TRPM7: variants seen among roughly 807,000 people sequenced by gnomAD.
TRPM7 encodes the protein LTRPC ion channel family member 7.
TRPM7 carries 134 observed loss-of-function variants against 229.7 expected under a neutral mutation model. That is an observed-to-expected ratio of 0.58 (90% CI 0.51 to 0.67). The LOEUF is 0.67. TRPM7 is among the 30% of genes least tolerant of loss of function. The probability of loss-of-function intolerance (pLI) is 0.00; values close to 1 mark genes in which losing one functional copy is unlikely to be tolerated. For synonymous variants in TRPM7, 699 were observed against 715.2 expected (o/e 0.98, Z 0.36); for missense variants, 1,901 against 2,210.0 (o/e 0.86, Z 2.80).
chr15:50,604,765 A>G, intron 21 of TRPM7, 101 bp downstream of exon 21: 1 of 1,203,048 alleles, frequency 8.3e-7, no homozygotes, highest in Non-Finnish European at 1.1e-6. Context: ...CACAAAATAA[A>G]AGACATTCAC....
At chr15:50,631,140 G>A (rs1015108319) in intron 10 of TRPM7, among the ~76,000 whole-genome samples, 2 of 152,118 alleles carry the variant, frequency 1.3e-5, no homozygotes, top group African/African-American at 2.4e-5. Context: ...GATGTTAGAC[G>A]TTCTTAATAG....
intron 12 of TRPM7, among the ~76,000 whole-genome samples, chr15:50,620,987 G>A (rs1183955951): frequency 6.6e-6 from 1 of 151,522 alleles, no homozygotes; most frequent in Non-Finnish European, 1.5e-5. Context: ...GTGAAACCCC[G>A]TCTCTACTAA....
intron 1 of TRPM7, among the ~76,000 whole-genome samples, chr15:50,668,683 T>C (rs1254055697): frequency 6.6e-6 from 1 of 152,092 alleles, no homozygotes; most frequent in Non-Finnish European, 1.5e-5. Flanking sequence ...ACTTTTTGTA[T>C]CTTTAGTAGA....
At position 50,592,066 on chromosome 15, in the gene TRPM7, C is replaced by T. The variant is rs1307248283; in HGVS notation, c.4169G>A (p.Ser1390Asn). 1.2e-6 allele frequency: 2 copies of T among 1,612,946 alleles called. No individual in the cohort carries two copies. Among genetic ancestry groups the T allele is most frequent in the Non-Finnish European group, 1.7e-6 (2 of 1,179,736 alleles). ...KNQKLGSSST[S>N]IPHLSSPPTK... is the part of the protein sequence containing the mutation. Reference sequence around the variant, plus strand: ...TGGTGGGGATGACAGATGTGGTATGCTAGTAGATGAACTGCCTAATTTTTG... The same window carrying T: ...TGGTGGGGATGACAGATGTGGTATGTTAGTAGATGAACTGCCTAATTTTTG... The change falls in exon 26 of 39, where the codon AGC becomes AAC. Residue 1390 changes from serine (S) to asparagine (N), a missense_variant. By Grantham distance (46) the Ser-to-Asn change is conservative. This residue lies in a region of TRPM7 where 533 missense variants were observed against 497.1 expected (regional missense o/e 1.07). Transcript: ENST00000646667.
chr15:50,634,237 C>A, intron 8 of TRPM7, 145 bp downstream of exon 8: 1 of 515,992 alleles, frequency 1.9e-6, no homozygotes. Flanking sequence ...AGGAAAATCG[C>A]TTGAACCTGG....
At chr15:50,644,318 CT>C (rs1193918335) in intron 4 of TRPM7, among the ~76,000 whole-genome samples, 3 of 152,216 alleles carry the variant, frequency 2.0e-5, no homozygotes, top group Non-Finnish European at 4.4e-5. Context: ...ATAAGACTTA[CT>C]TGCTATACTC....
chr15:50,621,051 C>T (rs994099248), intron 12 of TRPM7, among the ~76,000 whole-genome samples: 2 of 143,702 alleles, frequency 1.4e-5, no homozygotes, highest in African/African-American at 2.6e-5. Context: ...CCCAGCTACT[C>T]GGGAGGCTGA....
At chr15:50,599,044 G>T in intron 22 of TRPM7, 78 bp downstream of exon 22, 1 of 1,078,958 alleles carries the variant, frequency 9.3e-7, no homozygotes, top group Non-Finnish European at 1.3e-6. Context: ...CTGAAAATAT[G>T]CAATATTACT....
chr15:50,634,544 C>T lies in TRPM7; in HGVS notation c.845G>A (p.Gly282Asp). ...QQRIHARIGQGVPVVALIFEG... is the reference protein window; with the variant it reads ...QQRIHARIGQDVPVVALIFEG... ...AAATATAAGTGCCACCACAGGGACA[C>T]CCTGGCCAATCCCTAAAAAGAGCAA... Residue 282 changes from glycine (G) to aspartate (D), a missense_variant, in exon 8 of 39, where the codon GGT becomes GAT. Transcript: ENST00000646667. 1.4e-6 allele frequency: 2 copies of T among 1,458,750 alleles called. No homozygotes were observed. Among genetic ancestry groups the T allele is most frequent in the Non-Finnish European group, 9.0e-7 (1 of 1,106,160 alleles). The allele number at this position is 1,458,750 out of a possible 1,614,324, so 90.4% of individuals were successfully genotyped here.
At chr15:50,628,356 C>T (rs758650427) in intron 10 of TRPM7, 107 bp from the exon 11 acceptor site, 10 of 724,618 alleles carry the variant, frequency 1.4e-5, no homozygotes, top group Non-Finnish European at 2.3e-5. Flanking sequence ...GTTGCTCAGG[C>T]TAAAGTGCAA....
chr15:50,585,687 C>T (rs2059323517), intron 28 of TRPM7, among the ~76,000 whole-genome samples: 1 of 152,134 alleles, frequency 6.6e-6, no homozygotes, highest in South Asian at 2.1e-4. Context: ...TTGCTGAATT[C>T]AGTATGCCAA....
chr15:50,633,836 G>A (rs76869595), intron 8 of TRPM7, among the ~76,000 whole-genome samples: 5,173 of 152,166 alleles, frequency 0.034, 296 homozygotes, highest in African/African-American at 0.12. Context: ...GTGCCTCTAC[G>A]TTTGACACAT....
intron 13 of TRPM7, among the ~76,000 whole-genome samples, chr15:50,617,854 C>T (rs1017265207): frequency 5.3e-5 from 8 of 151,890 alleles, no homozygotes; most frequent in African/African-American, 9.7e-5. Context: ...GAAAAGGTCT[C>T]GCTTTGTTTG....
chr15:50,593,231 G>A (rs1158933029), intron 25 of TRPM7, among the ~76,000 whole-genome samples: 2 of 152,160 alleles, frequency 1.3e-5, no homozygotes, highest in African/African-American at 4.8e-5. Context: ...GGAAGTTGCA[G>A]TGAGTGGAGA....
rs139723375 is a variant in TRPM7, at chr15:50,593,568, T to C, written c.3608+49A>G. ...GACCATGTATAAGAAATATAACGAA[T>C]AGATCCCATTTTGACATATAACCGA... On this transcript the variant is annotated intron_variant, in intron 25 of 38. Coordinates refer to ENST00000646667, the MANE Select transcript of TRPM7 (RefSeq NM_017672.6). The C allele has an allele frequency of 8.9e-6, 14 of 1,573,718 alleles. No homozygotes were observed. In the Admixed American group the frequency reaches 1.1e-4, roughly 12 times the overall value.
intron 3 of TRPM7, among the ~76,000 whole-genome samples, chr15:50,655,882 G>A (rs1214657584): frequency 6.6e-6 from 1 of 151,600 alleles, no homozygotes; most frequent in Admixed American, 6.6e-5. Flanking sequence ...CCCAGCTTCT[G>A]GGGAGGCTGA....
chr15:50,565,045 A>C (rs951560401), intron 38 of TRPM7, among the ~76,000 whole-genome samples: 18 of 151,628 alleles, frequency 1.2e-4, no homozygotes, highest in Non-Finnish European at 2.4e-4. Context: ...ACAGTGGTGC[A>C]ATCTCTCCTC....
Position 50,568,811 on chromosome 15 carries a change from C to CA in TRPM7, c.5467+1075dup, listed in dbSNP as rs1255408922. On this transcript the variant is annotated intron_variant, in intron 38 of 38. Coordinates refer to ENST00000646667, the MANE Select transcript of TRPM7 (RefSeq NM_017672.6). Reference sequence around the variant, plus strand: ...GTGACATGGCAAAACCCCATCTCTACAAAAAAAAAACCAAAACAACAATTA... The same window carrying CA: ...GTGACATGGCAAAACCCCATCTCTACAAAAAAAAAAACCAAAACAACAATTA... Among the ~76,000 whole-genome samples, 766 of 145,890 alleles carry CA rather than the reference C, an allele frequency of 5.3e-3. 5 individuals are homozygous for CA. The highest frequency in any genetic ancestry group is 0.018 in the African/African-American group (700 of 39,992).
intron 2 of TRPM7, among the ~76,000 whole-genome samples, chr15:50,662,663 AAG>A (rs141226094): frequency 0.015 from 2,212 of 152,310 alleles, 56 homozygotes; most frequent in African/African-American, 0.051. Context: ...ATTAAAAAAT[AAG>A]AGAGTCTTAA....
Sources: gnomAD v4.1 joint callset for allele counts (sites outside exome capture counted in the v4.1 genomes callset) on GRCh38, gnomAD v4.1.1 for gene constraint, gnomAD v4.1.1 regional missense constraint, MANE v1.5 for transcripts, NCBI Gene and HGNC (gene_info 2026-07-23, HGNC 2026-07-21) for gene names.